SMCHD1: variants seen among roughly 807,000 people sequenced by gnomAD.
SMCHD1 encodes the protein structural maintenance of chromosomes flexible hinge domain containing 1.
A neutral mutation model predicts 254.7 loss-of-function variants in SMCHD1; 78 were observed. That is an observed-to-expected ratio of 0.31 (90% CI 0.26 to 0.37). The LOEUF (loss-of-function observed/expected upper bound fraction) is 0.37, where lower values mean the gene tolerates loss of function less well. SMCHD1 is among the 10% of genes least tolerant of loss of function. SMCHD1 has a pLI of 1.00. For synonymous variants in SMCHD1, 766 were observed against 794.9 expected (o/e 0.96, Z 0.61); for missense variants, 1,840 against 2,408.1 (o/e 0.76, Z 4.94).
At chr18:2,660,944 A>C (rs751792265) in intron 1 of SMCHD1, among the ~76,000 whole-genome samples, 1 of 152,206 alleles carries the variant, frequency 6.6e-6, no homozygotes, top group Non-Finnish European at 1.5e-5. Flanking sequence ...CCTATTGATG[A>C]TCAACTGGAT....
intron 3 of SMCHD1, among the ~76,000 whole-genome samples, chr18:2,670,900 T>TAA (rs372225530): frequency 0.038 from 4,380 of 116,496 alleles, 303 homozygotes; most frequent in African/African-American, 0.14. Flanking sequence ...AGACTGCATC[T>TAA]AAAAAAAAAA....
chr18:2,798,926 A>T (rs765582193), intron 47 of SMCHD1, among the ~76,000 whole-genome samples: 1 of 152,240 alleles, frequency 6.6e-6, no homozygotes, highest in Non-Finnish European at 1.5e-5. Context: ...AATTTGCCCT[A>T]GACCTTCCAG....
intron 4 of SMCHD1, among the ~76,000 whole-genome samples, chr18:2,673,571 AC>A (rs2073669431): frequency 6.7e-6 from 1 of 150,188 alleles, no homozygotes; most frequent in African/African-American, 2.5e-5. Context: ...GTAATCTTCT[AC>A]TTTCCCTTAA....
intron 45 of SMCHD1, among the ~76,000 whole-genome samples, chr18:2,785,689 G>A (rs932785141): frequency 4.2e-5 from 6 of 142,298 alleles, no homozygotes; most frequent in African/African-American, 1.3e-4. Context: ...TTGGTGTTAA[G>A]TGCATTCACA....
chr18:2,752,951 C>A, intron 34 of SMCHD1: 1 of 175,308 alleles, frequency 5.7e-6, no homozygotes, highest in South Asian at 1.3e-4. Flanking sequence ...TGTTAAGTTT[C>A]TTTACAAATC....
Position 2,706,418 on chromosome 18 carries a change from A to G in SMCHD1, c.2011A>G (p.Arg671Gly). The G allele has an allele frequency of 6.3e-7, 1 of 1,593,924 alleles. No homozygotes were observed. Among genetic ancestry groups the G allele is most frequent in the Non-Finnish European group, 8.6e-7 (1 of 1,169,582 alleles). Residue 671 changes from arginine (R) to glycine (G), a missense_variant, in exon 15 of 48, where the codon AGG (arginine) becomes GGG (glycine). Arg to Gly is a moderately radical substitution (Grantham distance 125). Coordinates refer to ENST00000320876, the MANE Select transcript of SMCHD1 (RefSeq NM_015295.3). ...VRTVPIAKLD[R>G]TVAEKAVKKY... Reference sequence around the variant, plus strand: ...AACTGTGCCAATTGCAAAGCTGGATAGGACAGTTGCTGAGAAAGCTGTTAA... The same window carrying G: ...AACTGTGCCAATTGCAAAGCTGGATGGGACAGTTGCTGAGAAAGCTGTTAA...
chr18:2,784,714 TTAACAAATGTAAGTAAG>T (rs2076211255), intron 45 of SMCHD1, 93 bp downstream of exon 45: 33 of 1,328,220 alleles, frequency 2.5e-5, no homozygotes, highest in Non-Finnish European at 3.2e-5. Context: ...ACATGAAAAA[TTAACAAATGTAAGTAAG>T]TAACAAATGT....
chr18:2,779,563 T>A (rs1368342849), intron 44 of SMCHD1, among the ~76,000 whole-genome samples: 1 of 152,192 alleles, frequency 6.6e-6, no homozygotes, highest in African/African-American at 2.4e-5. Context: ...AGCCAGTATC[T>A]GTAAATAGTG....
intron 25 of SMCHD1, among the ~76,000 whole-genome samples, chr18:2,733,769 C>G (rs1373375786): frequency 6.6e-6 from 1 of 152,152 alleles, no homozygotes; most frequent in Admixed American, 6.5e-5. Context: ...TCAAAGTAAG[C>G]ATTGTAACAG....
Position 2,724,901 on chromosome 18 carries a change from G to C in SMCHD1, c.2606G>C (p.Gly869Ala), listed in dbSNP as rs548397345. The C allele has an allele frequency of 6.4e-7, 1 of 1,561,000 alleles. No homozygotes were observed. The change falls in exon 21 of 48, where the codon GGT becomes GCT. Residue 869 changes from glycine to alanine, a missense_variant and splice_region_variant. Coordinates refer to ENST00000320876, the MANE Select transcript of SMCHD1 (RefSeq NM_015295.3). ...AAAAAATAATTTTTTTTCCCCAGTG[G>C]TTTATCTTTACATTATGAAGAAATA... Reference protein sequence around the residue: ...TDIQPVLEASGLSLHYEEITK... With the variant: ...TDIQPVLEASALSLHYEEITK...
At chr18:2,772,034 G>A (rs2075993230) in intron 40 of SMCHD1, among the ~76,000 whole-genome samples, 1 of 152,062 alleles carries the variant, frequency 6.6e-6, no homozygotes. Flanking sequence ...TAAATTCAGT[G>A]AAGTGGGAAC....
chr18:2,716,611 C>T (rs2074804890), intron 17 of SMCHD1, among the ~76,000 whole-genome samples: 1 of 152,160 alleles, frequency 6.6e-6, no homozygotes, highest in African/African-American at 2.4e-5. Flanking sequence ...AGCACCAGCC[C>T]TTGCAGGGGT....
At chr18:2,768,116 T>C (rs1598423996) in intron 37 of SMCHD1, among the ~76,000 whole-genome samples, 1 of 151,914 alleles carries the variant, frequency 6.6e-6, no homozygotes, top group Non-Finnish European at 1.5e-5. Flanking sequence ...AGGACTGATA[T>C]ATTGAACAGA....
chr18:2,676,277 T>A (rs374635448), intron 5 of SMCHD1, among the ~76,000 whole-genome samples: 7 of 152,176 alleles, frequency 4.6e-5, no homozygotes, highest in African/African-American at 1.7e-4. Flanking sequence ...ATTATTACTA[T>A]GAATAAAATG....
At chr18:2,792,289 C>G (rs1313610279) in intron 45 of SMCHD1, among the ~76,000 whole-genome samples, 1 of 152,198 alleles carries the variant, frequency 6.6e-6, no homozygotes. Context: ...CATTGTGTTA[C>G]AGTTACCTAC....
intron 15 of SMCHD1, 115 bp downstream of exon 15, chr18:2,706,585 T>G (rs1028530792): frequency 5.0e-6 from 3 of 599,254 alleles, no homozygotes; most frequent in Non-Finnish European, 5.6e-6. Flanking sequence ...GTCTTAGATA[T>G]TGTACCTATT....
chr18:2,794,269 C>G (rs2143853618), intron 45 of SMCHD1, among the ~76,000 whole-genome samples: 1 of 152,248 alleles, frequency 6.6e-6, no homozygotes, highest in East Asian at 1.9e-4. Flanking sequence ...AGCCTGGGCT[C>G]AAGCAGTCCG....
intron 34 of SMCHD1, among the ~76,000 whole-genome samples, chr18:2,759,557 C>T (rs1197577434): frequency 5.0e-5 from 4 of 80,034 alleles, no homozygotes; most frequent in East Asian, 3.7e-4. Context: ...AGCAGAAGTC[C>T]GTTTTAATTC....
At position 2,750,490 on chromosome 18, in the gene SMCHD1, C is replaced by T. The variant is rs371894734; in HGVS notation, c.4148C>T (p.Ala1383Val). 1 of 1,603,740 alleles carries T rather than the reference C, an allele frequency of 6.2e-7. No homozygotes were observed. Among genetic ancestry groups the T allele is most frequent in the Non-Finnish European group, 8.5e-7 (1 of 1,174,420 alleles). Residue 1383 changes from alanine (A) to valine (V), a missense_variant, in exon 32 of 48, where the codon GCA becomes GTA. By Grantham distance (64) the Ala-to-Val change is moderately conservative. Around this residue, in one of 9 missense-constraint regions of SMCHD1, gnomAD observed 881 missense variants for 1,009.5 expected, o/e 0.87. Coordinates refer to ENST00000320876, the MANE Select transcript of SMCHD1 (RefSeq NM_015295.3). ...TATGACAAAGATGCATCCTTCTTAG[C>T]AGGGGGTCTTTTCACTGGTGAGTAT... Reference protein sequence around the residue: ...VKYDKDASFLAGGLFTDFMIS... With the variant: ...VKYDKDASFLVGGLFTDFMIS...
Sources: allele counts gnomAD v4.1 joint callset (sites outside exome capture counted in the v4.1 genomes callset), GRCh38; gene constraint gnomAD v4.1.1; regional missense constraint gnomAD v4.1.1; transcripts MANE v1.5; gene names NCBI Gene and HGNC (gene_info 2026-07-23, HGNC 2026-07-21).